The following NUDT5 variants were observed in gnomAD, a reference collection of about 807,000 sequenced individuals.
NUDT5 encodes nudix hydrolase 5, also known as ADP-sugar pyrophosphatase.
In NUDT5, 21 loss-of-function variants were observed where a neutral mutation model predicts 34.1. The ratio of observed to expected loss-of-function variants is 0.62; its 90% CI spans 0.44 to 0.89. The LOEUF is 0.89. Ranked by LOEUF, NUDT5 falls within the 40% of genes least tolerant of loss-of-function variation. The probability of loss-of-function intolerance (pLI) is 0.00; values close to 1 mark genes in which losing one functional copy is unlikely to be tolerated. For synonymous variants in NUDT5, 85 were observed against 97.6 expected (o/e 0.87, Z 0.76); for missense variants, 249 against 274.8 (o/e 0.91, Z 0.66).
At chr10:12,189,652 C>G (rs966111742) in intron 1 of NUDT5, among the ~76,000 whole-genome samples, 1 of 152,210 alleles carries the variant, frequency 6.6e-6, no homozygotes, top group Non-Finnish European at 1.5e-5. Context: ...GGGCCAGTCA[C>G]TGCCAGCAAC....
intron 4 of NUDT5, 134 bp downstream of exon 4, chr10:12,178,949 G>A: frequency 1.3e-6 from 1 of 756,082 alleles, no homozygotes; most frequent in Non-Finnish European, 2.3e-6. Flanking sequence ...TCGTTACATA[G>A]TATGGCAAAA....
At chr10:12,178,932 C>A in intron 4 of NUDT5, 151 bp downstream of exon 4, 1 of 665,624 alleles carries the variant, frequency 1.5e-6, no homozygotes, top group South Asian at 1.9e-5. Flanking sequence ...ATAAAGAAAG[C>A]TTAATTTCGT....
rs1327986331 is a variant in NUDT5 at position 12,171,535 on chromosome 10, G to A, written c.488-627C>T. Among the ~76,000 whole-genome samples, 1 of 152,144 alleles carries A rather than the reference G, an allele frequency of 6.6e-6. No homozygotes were observed. Among genetic ancestry groups the A allele is most frequent in the Non-Finnish European group, 1.5e-5 (1 of 68,034 alleles). ...GGCGGCCATGAACACAGGCACGCAA[G>A]TATATGAGTCCCTGTTTCACTTCTT... On this transcript the variant is annotated intron_variant, in intron 7 of 9. Transcript: ENST00000491614. The surrounding 1 kb of genome is among the most constrained non-coding windows in gnomAD (Gnocchi z 4.2).
Position 12,186,250 on chromosome 10 carries a change from T to C in NUDT5, c.42A>G (p.Lys14=). 6.2e-7 allele frequency: 1 copy of C among 1,613,768 alleles called. No homozygotes were observed. Among genetic ancestry groups the C allele is most frequent in the Non-Finnish European group, 8.5e-7 (1 of 1,179,642 alleles). ...ATACCTCCTCTGAAATGATATACTG[T>C]TTGCCATTCTGAGAAGATTCCGTTG... ...QEPTESSQNG[K]QYIISEELIS... is the part of the protein sequence containing the mutation. The change falls in exon 2 of 10, where the codon AAA becomes AAG. Residue 14 remains lysine, a synonymous_variant. Coordinates refer to ENST00000491614, the MANE Select transcript of NUDT5 (RefSeq NM_014142.4).
chr10:12,167,356 C>T lies in NUDT5; in HGVS notation c.*346G>A, dbSNP rs1490709287. 1.0e-5 allele frequency: 2 copies of T among 193,056 alleles called. No homozygotes were observed. The highest frequency in any genetic ancestry group is 2.2e-5 in the Non-Finnish European group (2 of 92,836). 12.0% of individuals were successfully genotyped at this position (193,056 alleles called of 1,614,324 possible). ...ATTGGGGGTTGAGAGTGGAAATGAC[C>T]TAATTGAGAACTCAGGTCTATTTCT... On this transcript the variant is annotated 3_prime_UTR_variant, in exon 10 of 10. Transcript: ENST00000491614.
Position 12,170,776 on chromosome 10 carries a change from C to T in NUDT5, c.497-6G>A. 1.2e-6 allele frequency: 2 copies of T among 1,614,134 alleles called. No individual in the cohort carries two copies. Among genetic ancestry groups the T allele is most frequent in the East Asian group, 2.2e-5 (1 of 44,884 alleles). On this transcript the variant is annotated splice_polypyrimidine_tract_variant and splice_region_variant and intron_variant, in intron 8 of 9. Transcript: ENST00000491614. This position sits in a 1 kb window ranked among gnomAD's most constrained non-coding sequence, Gnocchi z 4.9. Reference sequence around the variant, plus strand: ...AGAAATGACTTCCACAAACTCTAAACAGACAAAGTGCAAGTGAAAACAAAG... The same window carrying T: ...AGAAATGACTTCCACAAACTCTAAATAGACAAAGTGCAAGTGAAAACAAAG...
rs927874368 is a variant in NUDT5, at chr10:12,165,607, C to T, written c.*2095G>A. 2 of 152,944 alleles carry T rather than the reference C, an allele frequency of 1.3e-5. No homozygotes were observed. Among genetic ancestry groups the T allele is most frequent in the African/African-American group, 4.8e-5 (2 of 41,446 alleles). The allele number at this position is 152,944 out of a possible 1,614,324, so 9.5% of individuals were successfully genotyped here. Reference sequence around the variant, plus strand: ...CAGGAAAACAGTGGTCTCAAAACAACAATATCCCAGTCTCCATTTGAAAGA... The same window carrying T: ...CAGGAAAACAGTGGTCTCAAAACAATAATATCCCAGTCTCCATTTGAAAGA... On this transcript the variant is annotated 3_prime_UTR_variant, in exon 10 of 10. Transcript: ENST00000491614.
rs899601754 is a variant in NUDT5 at position 12,173,299 on chromosome 10, G to T, written c.385+419C>A. Reference sequence around the variant, plus strand: ...GTGATCTTGGCTCACTGCAACCTCTGCCTCCTGGGTTCAATTCTCCTGCCT... The same window carrying T: ...GTGATCTTGGCTCACTGCAACCTCTTCCTCCTGGGTTCAATTCTCCTGCCT... On this transcript the variant is annotated intron_variant, in intron 6 of 9. Coordinates refer to ENST00000491614, the MANE Select transcript of NUDT5 (RefSeq NM_014142.4). This position sits in a 1 kb window ranked among gnomAD's most constrained non-coding sequence, Gnocchi z 4.7. Among the ~76,000 whole-genome samples, 5 of 152,160 alleles carry T rather than the reference G, an allele frequency of 3.3e-5. No individual in the cohort carries two copies. Among genetic ancestry groups the T allele is most frequent in the African/African-American group, 1.2e-4 (5 of 41,436 alleles).
Position 12,187,512 on chromosome 10 carries a change from T to C in NUDT5, c.-41-1180A>G, listed in dbSNP as rs961306463. On this transcript the variant is annotated intron_variant, in intron 1 of 9. Transcript: ENST00000491614. The surrounding 1 kb of genome is among the most constrained non-coding windows in gnomAD (Gnocchi z 5.4). ...GACCTTGCCTGTCCGAAGGTCAAAG[T>C]CTTTTTTTCTTACCCACACACATGG... Among the ~76,000 whole-genome samples, 8 of 152,184 alleles carry C rather than the reference T, an allele frequency of 5.3e-5. No individual in the cohort carries two copies. The highest frequency in any genetic ancestry group is 1.9e-4 in the African/African-American group (8 of 41,434).
Position 12,182,926 on chromosome 10 carries a change from G to A in NUDT5, c.131+1963C>T, listed in dbSNP as rs533048100. Among the ~76,000 whole-genome samples, 7 of 152,112 alleles carry A rather than the reference G, an allele frequency of 4.6e-5. No individual in the cohort carries two copies. Among genetic ancestry groups the A allele is most frequent in the Admixed American group, 2.0e-4 (3 of 15,266 alleles). Reference sequence around the variant, plus strand: ...TAATTTTTGTATTTTTAGTAGAGACGGGGTTTCACAATGTTGGCCAGGCTG... The same window carrying A: ...TAATTTTTGTATTTTTAGTAGAGACAGGGTTTCACAATGTTGGCCAGGCTG... On this transcript the variant is annotated intron_variant, in intron 3 of 9. Transcript: ENST00000491614. The surrounding 1 kb of genome is among the most constrained non-coding windows in gnomAD (Gnocchi z 4.3).
At chr10:12,192,450 T>C (rs187520555) in intron 1 of NUDT5, among the ~76,000 whole-genome samples, 1 of 152,334 alleles carries the variant, frequency 6.6e-6, no homozygotes, top group Admixed American at 6.5e-5. Flanking sequence ...TCTGGCAGAA[T>C]AATTACAAAG....
intron 1 of NUDT5, among the ~76,000 whole-genome samples, chr10:12,193,870 T>C (rs1287125320): frequency 1.6e-5 from 2 of 126,202 alleles, no homozygotes; most frequent in Non-Finnish European, 3.1e-5. Context: ...CTCTACACTC[T>C]TTTTTTTTTT....
intron 5 of NUDT5, among the ~76,000 whole-genome samples, chr10:12,177,136 C>T (rs1834963467): frequency 6.7e-6 from 1 of 149,178 alleles, no homozygotes; most frequent in Admixed American, 6.7e-5. Context: ...AAAAAAAAAG[C>T]CTGGCCTACT....
rs1834942839 is a variant in NUDT5 at position 12,175,959 on chromosome 10, G to A, written c.289+1834C>T. Among the ~76,000 whole-genome samples the A allele has an allele frequency of 6.6e-6, 1 of 152,210 alleles. No homozygotes were observed. Among genetic ancestry groups the A allele is most frequent in the African/African-American group, 2.4e-5 (1 of 41,466 alleles). Reference sequence around the variant, plus strand: ...TAATTAAATAGCCTGGCCAGGCGTGGTGGCTCACGCCTGTAATCCCAGCAC... The same window carrying A: ...TAATTAAATAGCCTGGCCAGGCGTGATGGCTCACGCCTGTAATCCCAGCAC... On this transcript the variant is annotated intron_variant, in intron 5 of 9. Coordinates refer to ENST00000491614, the MANE Select transcript of NUDT5 (RefSeq NM_014142.4). The surrounding 1 kb of genome is among the most constrained non-coding windows in gnomAD (Gnocchi z 4.8).
chr10:12,172,466 A>G (rs534499080), intron 7 of NUDT5: 195 of 374,762 alleles, frequency 5.2e-4, no homozygotes, highest in Middle Eastern at 1.6e-3. Context: ...TAAGTTTCTC[A>G]CTGTTTACTA....
At position 12,195,891 on chromosome 10, in the gene NUDT5, C is replaced by T. The variant is rs1835333412; in HGVS notation, c.-163G>A. The T allele has an allele frequency of 3.4e-6, 1 of 297,958 alleles. No homozygotes were observed. The highest frequency in any genetic ancestry group is 6.5e-6 in the Non-Finnish European group (1 of 154,152). 18.5% of individuals were successfully genotyped at this position (297,958 alleles called of 1,614,324 possible). On this transcript the variant is annotated 5_prime_UTR_variant, in exon 1 of 10. Transcript: ENST00000491614. ...CCTCTCGCGGTGCTAAAAGGATGGGCGCGCACCCTCCTTCCGGCATCCGTA... is the reference window on the plus strand; with the variant it reads ...CCTCTCGCGGTGCTAAAAGGATGGGTGCGCACCCTCCTTCCGGCATCCGTA...
intron 3 of NUDT5, among the ~76,000 whole-genome samples, chr10:12,180,009 C>T (rs1564424954): frequency 6.6e-6 from 1 of 152,126 alleles, no homozygotes; most frequent in East Asian, 1.9e-4. Context: ...GGAAGTGAAA[C>T]ATGTGGGTGG....
At chr10:12,174,662 T>C (rs1188210492) in intron 5 of NUDT5, among the ~76,000 whole-genome samples, 6 of 152,208 alleles carry the variant, frequency 3.9e-5, no homozygotes, top group Non-Finnish European at 8.8e-5. Context: ...AGTCGTCCTA[T>C]TCAGACCCAG....
rs1400747484 is a variant in NUDT5, at chr10:12,169,218, C to T, written c.551-1407G>A. On this transcript the variant is annotated intron_variant, in intron 9 of 9. Transcript: ENST00000491614. The surrounding 1 kb of genome is among the most constrained non-coding windows in gnomAD (Gnocchi z 4.8). ...TATAGCCATAGTAGCCCTCTCTCCACCTCCCCTCACTTATTCTATTTTTTT... is the reference window on the plus strand; with the variant it reads ...TATAGCCATAGTAGCCCTCTCTCCATCTCCCCTCACTTATTCTATTTTTTT... 2 of 1,389,058 alleles carry T rather than the reference C, an allele frequency of 1.4e-6. No homozygotes were observed. Among genetic ancestry groups the T allele is most frequent in the Non-Finnish European group, 2.0e-6 (2 of 1,002,652 alleles). 86.0% of individuals were successfully genotyped at this position (1,389,058 alleles called of 1,614,324 possible).
Sources: gnomAD v4.1 joint callset for allele counts (sites outside exome capture counted in the v4.1 genomes callset) on GRCh38, gnomAD v4.1.1 for gene constraint, Gnocchi (gnomAD v3.1) non-coding constraint, MANE v1.5 for transcripts, NCBI Gene and HGNC (gene_info 2026-07-23, HGNC 2026-07-21) for gene names.